The following RBMS3 variants were observed in gnomAD, a reference collection of about 807,000 sequenced individuals.
RBMS3 encodes the protein RNA-binding motif, single-stranded-interacting protein 3.
RBMS3 carries 27 observed loss-of-function variants against 66.8 expected under a neutral mutation model. The observed-to-expected ratio is 0.40, with a 90% CI of 0.30 to 0.56. The LOEUF is 0.56. RBMS3 is among the 20% of genes least tolerant of loss of function. The probability of loss-of-function intolerance (pLI) is 0.40; values close to 1 mark genes in which losing one functional copy is unlikely to be tolerated. For missense variants in RBMS3, 513 were observed against 549.5 expected, an observed-to-expected ratio of 0.93 and a Z score of 0.66; for synonymous variants, 188 against 183.0, an observed-to-expected ratio of 1.03 and a Z score of -0.22.
chr3:29,784,490 A>T (rs9845804), intron 6 of RBMS3, among the ~76,000 whole-genome samples: 2,515 of 152,182 alleles, frequency 0.017, 57 homozygotes, highest in African/African-American at 0.057. Context: ...GAACTGAACA[A>T]TAATAGTAAC....
chr3:29,404,901 G>A (rs1242626887), intron 1 of RBMS3, among the ~76,000 whole-genome samples: 1 of 152,032 alleles, frequency 6.6e-6, no homozygotes, highest in African/African-American at 2.4e-5. Context: ...AAATAATATA[G>A]TCTTGCATAG....
In RBMS3 at chr3:30,004,854, G is replaced by C. The variant is rs1162278435; in HGVS notation, c.*992G>C. On this transcript the variant is annotated 3_prime_UTR_variant, in exon 15 of 15. Transcript: ENST00000383767. ...CTTTACAAAGTTTTTAGTCAGCTTT[G>C]CTTGTCACATTGCAAAACCTAGCTT... 1 of 149,478 alleles carries C rather than the reference G, an allele frequency of 6.7e-6. No individual in the cohort carries two copies. Among genetic ancestry groups the C allele is most frequent in the Non-Finnish European group, 1.5e-5 (1 of 67,304 alleles). The allele number at this position is 149,478 out of a possible 1,614,324, so 9.3% of individuals were successfully genotyped here.
intron 4 of RBMS3, among the ~76,000 whole-genome samples, chr3:29,600,973 TC>T (rs1287568851): frequency 5.9e-5 from 9 of 152,016 alleles, no homozygotes; most frequent in African/African-American, 1.9e-4. Flanking sequence ...AGCTGATTAT[TC>T]AGAAACCAAA....
intron 1 of RBMS3, among the ~76,000 whole-genome samples, chr3:29,433,741 A>G (rs917324273): frequency 6.6e-6 from 1 of 152,204 alleles, no homozygotes; most frequent in Admixed American, 6.5e-5. Flanking sequence ...AAGAAGCATA[A>G]TTAGTAAATA....
At chr3:29,706,524 C>T (rs1283698423) in intron 4 of RBMS3, among the ~76,000 whole-genome samples, 2 of 152,152 alleles carry the variant, frequency 1.3e-5, no homozygotes, top group Non-Finnish European at 2.9e-5. Context: ...AAGACATCTC[C>T]AAGGATCCCT....
At chr3:29,994,637 T>G (rs1699097027) in intron 14 of RBMS3, among the ~76,000 whole-genome samples, 1 of 152,204 alleles carries the variant, frequency 6.6e-6, no homozygotes, top group South Asian at 2.1e-4. Context: ...GCAGCCTAAC[T>G]GGGAGGCACC....
At chr3:29,663,455 C>A (rs1264904316) in intron 4 of RBMS3, among the ~76,000 whole-genome samples, 1 of 152,110 alleles carries the variant, frequency 6.6e-6, no homozygotes, top group African/African-American at 2.4e-5. Context: ...AATAAAGTGG[C>A]CATGGAGATA....
At chr3:29,689,828 C>T in intron 4 of RBMS3, among the ~76,000 whole-genome samples, 1 of 142,248 alleles carries the variant, frequency 7.0e-6, no homozygotes, top group Non-Finnish European at 1.5e-5. Flanking sequence ...GCATGTAATC[C>T]CAACACTTTG....
chr3:29,507,839 G>T (rs550467624), intron 3 of RBMS3, among the ~76,000 whole-genome samples: 1 of 152,114 alleles, frequency 6.6e-6, no homozygotes, highest in Admixed American at 6.6e-5. Context: ...TGATTACAAG[G>T]GTTCTTGTGT....
intron 4 of RBMS3, among the ~76,000 whole-genome samples, chr3:29,625,521 C>A (rs554084984): frequency 1.3e-4 from 20 of 151,982 alleles, no homozygotes; most frequent in African/African-American, 4.8e-4. Flanking sequence ...TGGTGAAACT[C>A]CATCTCTACT....
chr3:29,456,323 A>G (rs1166215911), intron 2 of RBMS3, among the ~76,000 whole-genome samples: 1 of 152,190 alleles, frequency 6.6e-6, no homozygotes, highest in Non-Finnish European at 1.5e-5. Context: ...TCTCCCTGTA[A>G]TTTGCTCTAA....
chr3:30,001,403 C>CT (rs144922687), intron 14 of RBMS3, among the ~76,000 whole-genome samples: 8,250 of 151,716 alleles, frequency 0.054, 502 homozygotes, highest in East Asian at 0.16. Flanking sequence ...TTCACTGTGC[C>CT]TTTTTTTTGA....
intron 1 of RBMS3, among the ~76,000 whole-genome samples, chr3:29,417,236 AT>A (rs1480330221): frequency 6.6e-6 from 1 of 151,930 alleles, no homozygotes; most frequent in East Asian, 1.9e-4. Flanking sequence ...ACAAATATTC[AT>A]TTTTTAAGTA....
At chr3:29,427,808 G>C (rs563181469) in intron 1 of RBMS3, among the ~76,000 whole-genome samples, 2 of 152,204 alleles carry the variant, frequency 1.3e-5, no homozygotes, top group South Asian at 4.1e-4. Context: ...AAAACCACCA[G>C]ACCAACTGCC....
At chr3:29,490,123 A>G (rs1443786730) in intron 3 of RBMS3, among the ~76,000 whole-genome samples, 1 of 149,170 alleles carries the variant, frequency 6.7e-6, no homozygotes, top group Non-Finnish European at 1.5e-5. Flanking sequence ...TTTAAATGAT[A>G]TCCTGGATAT....
chr3:29,990,804 C>T (rs145696063), intron 13 of RBMS3, among the ~76,000 whole-genome samples: 1 of 152,046 alleles, frequency 6.6e-6, no homozygotes, highest in Non-Finnish European at 1.5e-5. Flanking sequence ...AATGTGCAAA[C>T]CTGGTTTAAA....
intron 1 of RBMS3, among the ~76,000 whole-genome samples, chr3:29,399,831 A>G (rs2039728396): frequency 6.6e-6 from 1 of 152,182 alleles, no homozygotes; most frequent in Non-Finnish European, 1.5e-5. Flanking sequence ...AGTAAAATGA[A>G]GGACAATGGC....
chr3:29,713,037 T>C (rs1052371884), intron 4 of RBMS3, among the ~76,000 whole-genome samples: 1 of 152,152 alleles, frequency 6.6e-6, no homozygotes. Flanking sequence ...ATATTTTCCC[T>C]GTGAGGATGT....
rs1359166499 is a variant in RBMS3 at position 30,007,465 on chromosome 3, A to T, written c.*3603A>T. On this transcript the variant is annotated 3_prime_UTR_variant, in exon 15 of 15. Transcript: ENST00000383767. ...ACATCAGGAAACAAACTAAAGCCAC[A>T]ATCCAAATGAGAGAAACACTGTCTC... The T allele has an allele frequency of 1.3e-5, 2 of 152,106 alleles. No individual in the cohort carries two copies. Among genetic ancestry groups the T allele is most frequent in the Non-Finnish European group, 2.9e-5 (2 of 67,972 alleles). The allele number at this position is 152,106 out of a possible 1,614,324, so 9.4% of individuals were successfully genotyped here. A position where few individuals can be genotyped will look rare whatever the true frequency, so the allele number is the denominator to read the frequency against.
Sources: allele counts gnomAD v4.1 joint callset (sites outside exome capture counted in the v4.1 genomes callset), GRCh38; gene constraint gnomAD v4.1.1; transcripts MANE v1.5; gene names NCBI Gene and HGNC (gene_info 2026-07-23, HGNC 2026-07-21).